PVALEF: variants seen among roughly 807,000 people sequenced by gnomAD.
The protein encoded by PVALEF is parvalbumin like EF-hand containing, also known as parvalbumin-like EF-hand-containing protein.
Under a neutral mutation model 1.2 loss-of-function variants are expected in PVALEF, and 2 were observed. The observed-to-expected ratio is 1.68, with a 90% CI of 0.69 to 5.28. The LOEUF (loss-of-function observed/expected upper bound fraction) is 5.28, where lower values mean the gene tolerates loss of function less well. PVALEF is among the 30% of genes most tolerant of loss of function. PVALEF has a pLI of 0.06. For synonymous variants in PVALEF, 16 were observed against 6.5 expected, an observed-to-expected ratio of 2.47 and a Z score of -2.24; for missense variants, 35 against 17.7, an observed-to-expected ratio of 1.97 and a Z score of -1.75.
Position 81,166,795 on chromosome 17 carries a change from C to T in PVALEF, c.-389C>T, listed in dbSNP as rs745864905. 3.3e-5 allele frequency: 15 copies of T among 455,704 alleles called. No homozygotes were observed. The highest frequency in any genetic ancestry group is 2.3e-4 in the South Asian group (15 of 64,474). The allele number at this position is 455,704 out of a possible 1,614,324, so 28.2% of individuals were successfully genotyped here. On this transcript the variant is annotated 5_prime_UTR_variant, in exon 2 of 7. Coordinates refer to ENST00000637878, the MANE Select transcript of PVALEF (RefSeq NM_001354639.2). ...CTGCTCCTGTACCGTGCTGCGACAG[C>T]CATGAAGGAAGAACCTGGCTGAGTC...
intron 2 of PVALEF, among the ~76,000 whole-genome samples, chr17:81,172,621 G>A (rs532900487): frequency 9.2e-5 from 14 of 152,154 alleles, no homozygotes; most frequent in South Asian, 8.3e-4. Context: ...ATTAGCCGGC[G>A]TGGTGGTGGG....
At chr17:81,172,091 A>G (rs2659046) in intron 2 of PVALEF, among the ~76,000 whole-genome samples, 125,570 of 152,236 alleles carry the variant, frequency 0.82, 52,126 homozygotes, top group South Asian at 0.87. Context: ...TGTTCCTCCC[A>G]AGGTTCCTCC....
In PVALEF at chr17:81,165,862, A is replaced by G. The variant is rs76831335; in HGVS notation, c.-508+115A>G. On this transcript the variant is annotated intron_variant, in intron 1 of 6. Coordinates refer to ENST00000637878, the MANE Select transcript of PVALEF (RefSeq NM_001354639.2). Reference sequence around the variant, plus strand: ...AGGGTTAATTTCCATGCAAACCGGGAGCCGTGGGGCCCAGGGGCATCACGT... The same window carrying G: ...AGGGTTAATTTCCATGCAAACCGGGGGCCGTGGGGCCCAGGGGCATCACGT... 2.4e-5 allele frequency: 37 copies of G among 1,534,212 alleles called. 1 individual carries two copies. The South Asian group carries it at 3.5e-4, about 14-fold the overall frequency.
intron 2 of PVALEF, among the ~76,000 whole-genome samples, chr17:81,171,669 G>C (rs2089345): frequency 6.6e-6 from 1 of 151,566 alleles, no homozygotes; most frequent in Non-Finnish European, 1.5e-5. Context: ...TTTTTTTGTA[G>C]TTTTAGTAGA....
chr17:81,165,546 G>A lies in PVALEF; in HGVS notation c.-709G>A. 5 of 981,476 alleles carry A rather than the reference G, an allele frequency of 5.1e-6. No homozygotes were observed. In the South Asian group the frequency reaches 5.5e-5, roughly 11 times the overall value. The allele number at this position is 981,476 out of a possible 1,614,324, so 60.8% of individuals were successfully genotyped here. ...CTGGGAAGAAGCCTCCCACGCCAGG[G>A]CCCCGGACCCAGGAGAGGCCATGGA... On this transcript the variant is annotated 5_prime_UTR_variant, in exon 1 of 7. Coordinates refer to ENST00000637878, the MANE Select transcript of PVALEF (RefSeq NM_001354639.2).
chr17:81,182,196 C>A (rs2061556877), intron 6 of PVALEF, 115 bp downstream of exon 6: 1 of 396,896 alleles, frequency 2.5e-6, no homozygotes, highest in African/African-American at 2.1e-5. Context: ...ATGAGGAAAC[C>A]CAGGCTCAGG....
chr17:81,177,118 G>C (rs1416446663), intron 2 of PVALEF, among the ~76,000 whole-genome samples: 1 of 150,832 alleles, frequency 6.6e-6, no homozygotes, highest in East Asian at 2.0e-4. Context: ...GTAGAGACAG[G>C]GTTTCACCAT....
chr17:81,165,910 C>A, intron 1 of PVALEF, 163 bp downstream of exon 1: 5 of 1,565,636 alleles, frequency 3.2e-6, no homozygotes, highest in Non-Finnish European at 4.3e-6. Flanking sequence ...GAGGCAGCGG[C>A]GCGCAGGCCG....
At chr17:81,166,534 T>TA in intron 1 of PVALEF, 143 bp from the exon 2 acceptor site, 1 of 157,170 alleles carries the variant, frequency 6.4e-6, no homozygotes, top group Non-Finnish European at 1.2e-5. Context: ...TCGTGAATGG[T>TA]AAGTCGTGAG....
chr17:81,182,903 G>T (rs2061559663), intron 6 of PVALEF, 62 bp from the exon 7 acceptor site: 1 of 398,434 alleles, frequency 2.5e-6, no homozygotes, highest in Non-Finnish European at 4.4e-6. Context: ...GAGTTAAAGG[G>T]CCTACAGGAA....
In PVALEF at chr17:81,170,783, C is replaced by A. The variant is rs998083767; in HGVS notation, c.-340+3939C>A. 3.9e-5 allele frequency among the ~76,000 whole-genome samples: 6 copies of A among 152,188 alleles called. 1 individual carries two copies. Among genetic ancestry groups the A allele is most frequent in the Non-Finnish European group, 4.4e-5 (3 of 67,986 alleles). On this transcript the variant is annotated intron_variant, in intron 2 of 6. Coordinates refer to ENST00000637878, the MANE Select transcript of PVALEF (RefSeq NM_001354639.2). ...GATGCCCCTGCCTGGCTGGGCCTCA[C>A]CCTGCAGTGGGCACCCCCCCATTCT...
At chr17:81,175,894 G>T (rs1269159141) in intron 2 of PVALEF, among the ~76,000 whole-genome samples, 1 of 152,124 alleles carries the variant, frequency 6.6e-6, no homozygotes, top group East Asian at 1.9e-4. Context: ...GACAGCAAAG[G>T]CACAGGCAAC....
chr17:81,172,942 C>T (rs557464424), intron 2 of PVALEF, among the ~76,000 whole-genome samples: 41 of 152,014 alleles, frequency 2.7e-4, no homozygotes, highest in African/African-American at 7.2e-4. Flanking sequence ...GAAACCCGCA[C>T]GAAGGAAAAC....
intron 2 of PVALEF, among the ~76,000 whole-genome samples, chr17:81,170,384 C>A (rs2061516852): frequency 6.6e-6 from 1 of 151,874 alleles, no homozygotes; most frequent in African/African-American, 2.4e-5. Flanking sequence ...TGTGTCCGTC[C>A]TCTCCTCTCG....
intron 2 of PVALEF, among the ~76,000 whole-genome samples, chr17:81,172,943 G>A (rs777191013): frequency 2.6e-5 from 4 of 152,058 alleles, no homozygotes; most frequent in South Asian, 2.1e-4. Flanking sequence ...AAACCCGCAC[G>A]AAGGAAAACC....
rs540944480 is a variant in PVALEF, at chr17:81,179,169, A to G, written c.-105+17A>G. The G allele has an allele frequency of 2.5e-3, 834 of 334,538 alleles. 3 individuals are homozygous for G. Among genetic ancestry groups the G allele is most frequent in the Non-Finnish European group, 4.0e-3 (644 of 162,216 alleles). 20.7% of individuals were successfully genotyped at this position (334,538 alleles called of 1,614,324 possible). On this transcript the variant is annotated intron_variant, in intron 3 of 6. Transcript: ENST00000637878. ...CAGGCAGAGGTAAGCCCTGCCAAGG[A>G]GGGGGGTGTGGGTCTCTGGCCGCTG...
At chr17:81,173,461 T>C (rs908977888) in intron 2 of PVALEF, among the ~76,000 whole-genome samples, 1 of 152,156 alleles carries the variant, frequency 6.6e-6, no homozygotes, top group Non-Finnish European at 1.5e-5. Context: ...TGGGAGCTCA[T>C]GCTACACACA....
chr17:81,182,881 T>C, intron 6 of PVALEF, 84 bp from the exon 7 acceptor site: 1 of 397,916 alleles, frequency 2.5e-6, no homozygotes, highest in South Asian at 1.3e-4. Context: ...ACACTCCCTC[T>C]GCCTCCTCTG....
chr17:81,180,939 C>T (rs556418413), intron 3 of PVALEF, among the ~76,000 whole-genome samples, 184 bp from the exon 4 acceptor site: 22 of 152,248 alleles, frequency 1.4e-4, no homozygotes, highest in African/African-American at 5.1e-4. Flanking sequence ...CCCCTGGGGA[C>T]GGCAACCTGA....
Sources: allele counts gnomAD v4.1 joint callset (sites outside exome capture counted in the v4.1 genomes callset), GRCh38; gene constraint gnomAD v4.1.1; transcripts MANE v1.5; gene names NCBI Gene and HGNC (gene_info 2026-07-23, HGNC 2026-07-21).